Variants in TOGARAM2 observed in about 807,000 individuals in gnomAD.
The protein encoded by TOGARAM2 is TOG array regulator of axonemal microtubules 2.
A neutral mutation model predicts 93.3 loss-of-function variants in TOGARAM2; 85 were observed. The ratio of observed to expected loss-of-function variants is 0.91; its 90% CI spans 0.76 to 1.09. TOGARAM2 has a LOEUF of 1.09. TOGARAM2 is among the 50% of genes least tolerant of loss of function. TOGARAM2 has a pLI of 0.00. For synonymous variants in TOGARAM2, 593 were observed against 552.8 expected, an observed-to-expected ratio of 1.07 and a Z score of -1.02; for missense variants, 1,277 against 1,334.5, an observed-to-expected ratio of 0.96 and a Z score of 0.67.
In TOGARAM2 at chr2:29,045,337, T is replaced by C; in HGVS notation, c.2649T>C (p.Leu883=). 6.2e-7 allele frequency: 1 copy of C among 1,613,488 alleles called. No homozygotes were observed. Among genetic ancestry groups the C allele is most frequent in the African/African-American group, 1.3e-5 (1 of 75,024 alleles). ...AMVESLDNLC[L]LPALAGRVRF... is the part of the protein sequence containing the mutation. Reference sequence around the variant, plus strand: ...CTTCTCTTTCAGACAACCTTTGCCTTCTACCAGCGCTTGCTGGGCGAGTGC... The same window carrying C: ...CTTCTCTTTCAGACAACCTTTGCCTCCTACCAGCGCTTGCTGGGCGAGTGC... Residue 883 remains leucine, a synonymous_variant, in exon 19 of 20, where the codon CTT becomes CTC. Coordinates refer to ENST00000379558, the MANE Select transcript of TOGARAM2 (RefSeq NM_199280.4).
At chr2:29,018,264 G>T (rs2148337429) in intron 10 of TOGARAM2, 2 of 330,524 alleles carry the variant, frequency 6.1e-6, no homozygotes, top group South Asian at 2.1e-4. Flanking sequence ...TAGCACCCAA[G>T]GAAGCAGCTG....
chr2:29,005,337 G>A (rs1447941565), intron 6 of TOGARAM2, among the ~76,000 whole-genome samples: 7 of 62,898 alleles, frequency 1.1e-4, no homozygotes, highest in Non-Finnish European at 2.2e-4. Context: ...GTGTGAGACC[G>A]TGTGTGTGCA....
chr2:29,005,014 G>A (rs1444216324), intron 6 of TOGARAM2, among the ~76,000 whole-genome samples: 2 of 28,010 alleles, frequency 7.1e-5, no homozygotes, highest in East Asian at 8.1e-4. Context: ...GCATGTGTAT[G>A]TGTGAGTGCA....
At chr2:28,989,008 T>C (rs986636388) in intron 1 of TOGARAM2, among the ~76,000 whole-genome samples, 1 of 152,234 alleles carries the variant, frequency 6.6e-6, no homozygotes, top group African/African-American at 2.4e-5. Context: ...TGCTGCTCCC[T>C]GGGATGTTCC....
intron 19 of TOGARAM2, chr2:29,049,822 A>G (rs6547907): frequency 0.63 from 95,960 of 151,950 alleles, 31,531 homozygotes; most frequent in Middle Eastern, 0.74. Context: ...ACCTCTGAGG[A>G]TCCTGTGACC....
intron 1 of TOGARAM2, among the ~76,000 whole-genome samples, chr2:28,991,834 T>C (rs1572646014): frequency 6.6e-6 from 1 of 152,206 alleles, no homozygotes; most frequent in Non-Finnish European, 1.5e-5. Flanking sequence ...CCGGTCACTA[T>C]GGAACCTCTG....
chr2:29,005,244 CAT>C lies in TOGARAM2; in HGVS notation c.830+1563_830+1564del, dbSNP rs1294810596. ...GCATGTGTGTATATGTGTGTGGGAC[CAT>C]GTGTGTGAGTGCATGTGTGTGGAGT... On this transcript the variant is annotated intron_variant, in intron 6 of 19. Coordinates refer to ENST00000379558, the MANE Select transcript of TOGARAM2 (RefSeq NM_199280.4). Among the ~76,000 whole-genome samples the C allele has an allele frequency of 1.4e-4, 17 of 120,508 alleles. 1 individual carries two copies. The highest frequency in any genetic ancestry group is 8.4e-4 in the Admixed American group (10 of 11,898). 79.1% of individuals were successfully genotyped at this position (120,508 alleles called of 152,430 possible). A position where few individuals can be genotyped will look rare whatever the true frequency, so the allele number is the denominator to read the frequency against.
At chr2:29,019,142 A>T (rs1664772967) in intron 10 of TOGARAM2, among the ~76,000 whole-genome samples, 1 of 150,830 alleles carries the variant, frequency 6.6e-6, no homozygotes, top group Non-Finnish European at 1.5e-5. Context: ...TATGATTGAT[A>T]CTGAGAACTA....
chr2:28,957,153 T>C (rs1368317059), intron 1 of TOGARAM2, among the ~76,000 whole-genome samples: 1 of 152,206 alleles, frequency 6.6e-6, no homozygotes, highest in African/African-American at 2.4e-5. Context: ...GGAATTTTGA[T>C]TGGGCTTGTG....
chr2:29,002,605 A>G lies in TOGARAM2; in HGVS notation c.497A>G (p.Gln166Arg). The change falls in exon 5 of 20, where the codon CAG becomes CGG. Residue 166 changes from glutamine (Q) to arginine (R), a missense_variant. Gln to Arg is a conservative substitution (Grantham distance 43). Coordinates refer to ENST00000379558, the MANE Select transcript of TOGARAM2 (RefSeq NM_199280.4). ...AGCACCATCCCCCGAGCCACCTCTC[A>G]GAGGCTGCTGAGGGTGCCCAGGCCG... Reference protein sequence around the residue: ...LHSTIPRATSQRLLRVPRPMP... With the variant: ...LHSTIPRATSRRLLRVPRPMP... 6.2e-7 allele frequency: 1 copy of G among 1,613,976 alleles called. No homozygotes were observed. The highest frequency in any genetic ancestry group is 8.5e-7 in the Non-Finnish European group (1 of 1,179,886).
intron 18 of TOGARAM2, 145 bp from the exon 19 acceptor site, chr2:29,045,179 C>T (rs1021184735): frequency 8.0e-6 from 5 of 628,080 alleles, no homozygotes; most frequent in African/African-American, 1.8e-5. Flanking sequence ...CTTTAAGTGG[C>T]CCCTTTGTGA....
At chr2:28,962,302 A>G (rs371852740) in intron 1 of TOGARAM2, among the ~76,000 whole-genome samples, 1 of 151,830 alleles carries the variant, frequency 6.6e-6, no homozygotes, top group Non-Finnish European at 1.5e-5. Context: ...CAGCCTCCCA[A>G]GTAGCTCAGA....
At chr2:29,035,764 G>GC (rs773974722) in intron 17 of TOGARAM2, 108 bp downstream of exon 17, 136 of 1,122,510 alleles carry the variant, frequency 1.2e-4, no homozygotes, top group Non-Finnish European at 1.5e-4. Flanking sequence ...CCCTTGCTAT[G>GC]CAGTTGGCCT....
chr2:28,991,287 G>T (rs558755834), intron 1 of TOGARAM2, among the ~76,000 whole-genome samples: 1 of 152,240 alleles, frequency 6.6e-6, no homozygotes, highest in Admixed American at 6.5e-5. Flanking sequence ...CCAGTGTTCT[G>T]GGAGTTCTGA....
At chr2:29,051,198 G>A (rs1667041663) in intron 19 of TOGARAM2, 1 of 152,196 alleles carries the variant, frequency 6.6e-6, no homozygotes, top group Admixed American at 6.5e-5. Context: ...AGGTGGTGAT[G>A]TGGATAAATG....
upstream of TOGARAM2, among the ~76,000 whole-genome samples, chr2:28,978,827 A>C (rs1298744641): frequency 6.6e-6 from 1 of 152,090 alleles, no homozygotes; most frequent in Non-Finnish European, 1.5e-5. Flanking sequence ...AACACTGGGC[A>C]CTGGAGGAGA....
At chr2:29,013,540 C>A (rs1664377895) in intron 7 of TOGARAM2, among the ~76,000 whole-genome samples, 1 of 152,154 alleles carries the variant, frequency 6.6e-6, no homozygotes, top group African/African-American at 2.4e-5. Flanking sequence ...TCCGAGAGCC[C>A]CTGGCAAGCC....
intron 1 of TOGARAM2, among the ~76,000 whole-genome samples, chr2:28,959,063 A>C (rs1488725871): frequency 6.6e-6 from 1 of 152,132 alleles, no homozygotes; most frequent in African/African-American, 2.4e-5. Context: ...TGATGGGAGG[A>C]GATCGAGTCT....
chr2:29,008,350 CA>C (rs1664013203), intron 6 of TOGARAM2, among the ~76,000 whole-genome samples: 4 of 152,134 alleles, frequency 2.6e-5, no homozygotes, highest in Non-Finnish European at 5.9e-5. Flanking sequence ...GCAGTTTCAT[CA>C]CATTGGTTAG....
Sources: allele counts gnomAD v4.1 joint callset (sites outside exome capture counted in the v4.1 genomes callset), GRCh38; gene constraint gnomAD v4.1.1; transcripts MANE v1.5; gene names NCBI Gene and HGNC (gene_info 2026-07-23, HGNC 2026-07-21).